Variants in FBXO28 observed in about 807,000 individuals in gnomAD.
The protein encoded by FBXO28 is F-box protein 28, also known as F-box only protein 28.
A neutral mutation model predicts 38.1 loss-of-function variants in FBXO28; 8 were observed. That is an observed-to-expected ratio of 0.21 (90% confidence interval 0.12 to 0.38). The LOEUF is 0.38. Ranked by LOEUF, FBXO28 falls within the 10% of genes least tolerant of loss-of-function variation. FBXO28 has a pLI of 1.00. For missense variants in FBXO28, 345 were observed against 460.6 expected (o/e 0.75, Z 2.30); for synonymous variants, 168 against 173.8 (o/e 0.97, Z 0.26).
chr1:224,147,354 C>T (rs1357970891), intron 3 of FBXO28, among the ~76,000 whole-genome samples: 1 of 148,278 alleles, frequency 6.7e-6, no homozygotes, highest in African/African-American at 2.5e-5. Context: ...ACCCCGGAGG[C>T]AGAGGTTGCA....
rs115642572 is a variant in FBXO28 at position 224,129,701 on chromosome 1, G to A, written c.268-771G>A. 6.4e-3 allele frequency among the ~76,000 whole-genome samples: 974 copies of A among 152,176 alleles called. 10 individuals are homozygous for A. The highest frequency in any genetic ancestry group is 0.022 in the African/African-American group (917 of 41,518). On this transcript the variant is annotated intron_variant, in intron 1 of 4. Coordinates refer to ENST00000366862, the MANE Select transcript of FBXO28 (RefSeq NM_015176.4). ...TAATGAGATATTTCAGAAATTACAT[G>A]GTGTGAGGCTGGGCACGGTGGCTCA...
chr1:224,151,761 G>A (rs1160823963), intron 3 of FBXO28, among the ~76,000 whole-genome samples: 1 of 152,122 alleles, frequency 6.6e-6, no homozygotes, highest in Non-Finnish European at 1.5e-5. Flanking sequence ...AGGAATTTTA[G>A]GTCGGGCATG....
intron 1 of FBXO28, among the ~76,000 whole-genome samples, chr1:224,119,172 C>T (rs1467907582): frequency 8.3e-6 from 1 of 120,574 alleles, no homozygotes; most frequent in Non-Finnish European, 1.6e-5. Flanking sequence ...CTCGCTCTGT[C>T]GCCCAGGCTG....
chr1:224,159,709 C>CT lies in FBXO28; in HGVS notation c.*1973dup, dbSNP rs1190483203. ...GTCTGCTTTTCCGGTCATAGGAAGA[C>CT]TTTTTTTTTTACGTATCAAAGCATG... is the stretch of plus-strand genomic sequence containing the variant. On this transcript the variant is annotated 3_prime_UTR_variant, in exon 5 of 5. Coordinates refer to ENST00000366862, the MANE Select transcript of FBXO28 (RefSeq NM_015176.4). 1.5e-4 allele frequency: 22 copies of CT among 149,302 alleles called. No homozygotes were observed. Among genetic ancestry groups the CT allele is most frequent in the African/African-American group, 2.2e-4 (9 of 40,744 alleles). 9.2% of individuals were successfully genotyped at this position (149,302 alleles called of 1,614,324 possible).
At chr1:224,149,729 G>C (rs902941377) in intron 3 of FBXO28, among the ~76,000 whole-genome samples, 3 of 152,302 alleles carry the variant, frequency 2.0e-5, no homozygotes, top group African/African-American at 7.2e-5. Flanking sequence ...ACAAAAAGAT[G>C]TACTTACAAA....
At chr1:224,141,747 A>G (rs1558193471) in intron 3 of FBXO28, among the ~76,000 whole-genome samples, 2 of 152,148 alleles carry the variant, frequency 1.3e-5, no homozygotes, top group Admixed American at 1.3e-4. Context: ...AGTAGGGTAT[A>G]AAAAAATGGT....
intron 1 of FBXO28, among the ~76,000 whole-genome samples, chr1:224,127,164 T>TTGTGTGTGTGTG (rs564171368): frequency 7.5e-4 from 66 of 88,556 alleles, no homozygotes; most frequent in African/African-American, 1.7e-3. Context: ...TGTAAAGTAT[T>TTGTGTGTGTGTG]TGTGTGTGTG....
At chr1:224,139,362 A>T (rs1438352368) in intron 3 of FBXO28, among the ~76,000 whole-genome samples, 2 of 151,766 alleles carry the variant, frequency 1.3e-5, no homozygotes, top group Admixed American at 6.6e-5. Flanking sequence ...CAAAAATTAC[A>T]AGACTAGTAC....
chr1:224,119,135 C>CTTTTTTTTTTTTTTTTT (rs67458349), intron 1 of FBXO28, among the ~76,000 whole-genome samples: 1 of 109,910 alleles, frequency 9.1e-6, no homozygotes, highest in Non-Finnish European at 1.7e-5. Flanking sequence ...TCTTTTTTTT[C>CTTTTTTTTTTTTTTTTT]TTTTTTTTTT....
At chr1:224,147,349 G>A (rs1261944663) in intron 3 of FBXO28, among the ~76,000 whole-genome samples, 1 of 151,232 alleles carries the variant, frequency 6.6e-6, no homozygotes, top group Non-Finnish European at 1.5e-5. Flanking sequence ...CTTGAACCCC[G>A]GAGGCAGAGG....
intron 1 of FBXO28, among the ~76,000 whole-genome samples, chr1:224,119,336 A>G (rs935579109): frequency 6.6e-6 from 1 of 150,382 alleles, no homozygotes; most frequent in Non-Finnish European, 1.5e-5. Flanking sequence ...ACGGGGTTTC[A>G]CCGTGTTAGC....
At position 224,114,191 on chromosome 1, in the gene FBXO28, G is replaced by A; in HGVS notation, c.62G>A (p.Gly21Asp). 6.5e-7 allele frequency: 1 copy of A among 1,547,908 alleles called. No homozygotes were observed. The highest frequency in any genetic ancestry group is 8.7e-7 in the Non-Finnish European group (1 of 1,146,166). ...EEGGGGQGDG[G>D]SSLASGSTQR... ...GGAGGCGGCGGCCAAGGCGACGGCG[G>A]TTCCTCTTTGGCCTCCGGCTCTACC... The change falls in exon 1 of 5, where the codon GGT becomes GAT. Residue 21 changes from glycine (G) to aspartate (D), a missense_variant. This residue lies in a region of FBXO28 where 104 missense variants were observed against 82.0 expected (regional missense o/e 1.27). Coordinates refer to ENST00000366862, the MANE Select transcript of FBXO28 (RefSeq NM_015176.4).
chr1:224,115,568 C>G (rs1262800264), intron 1 of FBXO28, among the ~76,000 whole-genome samples: 2 of 151,952 alleles, frequency 1.3e-5, no homozygotes, highest in South Asian at 2.1e-4. Context: ...AATTTTTTTT[C>G]TAGTCAACAC....
At chr1:224,143,373 T>C (rs1657412265) in intron 3 of FBXO28, among the ~76,000 whole-genome samples, 1 of 152,184 alleles carries the variant, frequency 6.6e-6, no homozygotes, top group East Asian at 1.9e-4. Flanking sequence ...TTAGGTTCAT[T>C]GACATGTCTT....
intron 1 of FBXO28, among the ~76,000 whole-genome samples, chr1:224,124,092 G>A (rs1368644573): frequency 1.3e-5 from 2 of 152,040 alleles, no homozygotes; most frequent in Non-Finnish European, 2.9e-5. Flanking sequence ...CCTGGGCAAC[G>A]AGAGCAAAAC....
Position 224,153,171 on chromosome 1 carries a change from A to G in FBXO28, c.546A>G (p.Arg182=), listed in dbSNP as rs1241865648. 2 of 1,607,844 alleles carry G rather than the reference A, an allele frequency of 1.2e-6. No individual in the cohort carries two copies. The highest frequency in any genetic ancestry group is 3.4e-5 in the Admixed American group (2 of 58,672). ...TTGATGAGATTTATCGTGTGTTGAG[A>G]TATGTCAATTCTACCAGAGCCCCTC... The part of the protein sequence containing the change: ...KVIDEIYRVL[R]YVNSTRAPQR... Residue 182 remains arginine, a synonymous_variant, in exon 4 of 5, where the codon AGA becomes AGG. Coordinates refer to ENST00000366862, the MANE Select transcript of FBXO28 (RefSeq NM_015176.4).
In FBXO28 at chr1:224,114,179, A is replaced by G. The variant is rs1188971914; in HGVS notation, c.50A>G (p.Gln17Arg). The change falls in exon 1 of 5, where the codon CAA (glutamine) becomes CGA (arginine). Residue 17 changes from glutamine to arginine, a missense_variant. This residue lies in a region of FBXO28 where 104 missense variants were observed against 82.0 expected (regional missense o/e 1.27). Transcript: ENST00000366862. Reference sequence around the variant, plus strand: ...ATGGCAGAGGAAGGAGGCGGCGGCCAAGGCGACGGCGGTTCCTCTTTGGCC... The same window carrying G: ...ATGGCAGAGGAAGGAGGCGGCGGCCGAGGCGACGGCGGTTCCTCTTTGGCC... Reference protein sequence around the residue: ...ERMAEEGGGGQGDGGSSLASG... With the variant: ...ERMAEEGGGGRGDGGSSLASG... 6.5e-7 allele frequency: 1 copy of G among 1,547,350 alleles called. No individual in the cohort carries two copies. The highest frequency in any genetic ancestry group is 2.4e-5 in the East Asian group (1 of 40,850).
intron 3 of FBXO28, among the ~76,000 whole-genome samples, chr1:224,144,583 C>T (rs749729239): frequency 6.6e-6 from 1 of 152,016 alleles, no homozygotes; most frequent in Non-Finnish European, 1.5e-5. Flanking sequence ...CATGGTGAAA[C>T]CCCATCTCTA....
At chr1:224,123,547 T>C (rs768821970) in intron 1 of FBXO28, among the ~76,000 whole-genome samples, 9 of 151,948 alleles carry the variant, frequency 5.9e-5, no homozygotes, top group Non-Finnish European at 1.3e-4. Context: ...TGCATCTTGA[T>C]CAATTTGTAT....
Sources: allele counts gnomAD v4.1 joint callset (sites outside exome capture counted in the v4.1 genomes callset), GRCh38; gene constraint gnomAD v4.1.1; regional missense constraint gnomAD v4.1.1; transcripts MANE v1.5; gene names NCBI Gene and HGNC (gene_info 2026-07-23, HGNC 2026-07-21).